CREB5: variants seen among roughly 807,000 people sequenced by gnomAD.
CREB5 encodes the protein cAMP responsive element binding protein 5, also known as cyclic AMP-responsive element-binding protein 5.
A neutral mutation model predicts 57.1 loss-of-function variants in CREB5; 19 were observed. That is an observed-to-expected ratio of 0.33 (90% CI 0.23 to 0.49). CREB5 has a LOEUF of 0.49. Among genes scored for constraint, CREB5 ranks in the 20% least tolerant of loss-of-function variants. The probability of loss-of-function intolerance (pLI) is 0.99; values close to 1 mark genes in which losing one functional copy is unlikely to be tolerated. For synonymous variants in CREB5, 238 were observed against 238.3 expected, an observed-to-expected ratio of 1.00 and a Z score of 0.01; for missense variants, 579 against 671.6, an observed-to-expected ratio of 0.86 and a Z score of 1.52.
chr7:28,394,332 A>G (rs1787296205), intron 1 of CREB5, among the ~76,000 whole-genome samples: 1 of 152,144 alleles, frequency 6.6e-6, no homozygotes, highest in African/African-American at 2.4e-5. Context: ...ATATTAATCC[A>G]ACTACATCAA....
chr7:28,411,302 T>C (rs1448920363), upstream of CREB5, among the ~76,000 whole-genome samples: 1 of 152,166 alleles, frequency 6.6e-6, no homozygotes, highest in Non-Finnish European at 1.5e-5. Flanking sequence ...CAAAATCAGG[T>C]TTAGCTGAAA....
intron 4 of CREB5, among the ~76,000 whole-genome samples, chr7:28,517,576 A>G (rs1196916859): frequency 6.6e-6 from 1 of 152,156 alleles, no homozygotes; most frequent in Non-Finnish European, 1.5e-5. Flanking sequence ...CCCCTGAATT[A>G]CTGGTACCTA....
At chr7:28,515,749 A>G (rs1436502861) in intron 4 of CREB5, among the ~76,000 whole-genome samples, 2 of 152,044 alleles carry the variant, frequency 1.3e-5, no homozygotes, top group African/African-American at 2.4e-5. Flanking sequence ...GACCATTCTT[A>G]CTTCGTACTG....
At chr7:28,551,870 T>TTTTC (rs140284726) in intron 4 of CREB5, among the ~76,000 whole-genome samples, 3 of 122,836 alleles carry the variant, frequency 2.4e-5, no homozygotes, top group Admixed American at 7.9e-5. Flanking sequence ...CTTTCTTTCT[T>TTTTC]TTTCTTTCTT....
intron 7 of CREB5, among the ~76,000 whole-genome samples, chr7:28,769,572 A>AT (rs1806212114): frequency 6.6e-6 from 1 of 152,244 alleles, no homozygotes; most frequent in Non-Finnish European, 1.5e-5. Context: ...CCCAAGGTGT[A>AT]TGTCTTGTTG....
intron 1 of CREB5, among the ~76,000 whole-genome samples, chr7:28,447,862 C>G (rs768043911): frequency 4.6e-5 from 7 of 152,142 alleles, no homozygotes; most frequent in African/African-American, 1.7e-4. Context: ...TTATTAAGAT[C>G]GAAATCCACT....
At chr7:28,689,909 G>GGTGT (rs34310030) in intron 5 of CREB5, among the ~76,000 whole-genome samples, 13,890 of 141,470 alleles carry the variant, frequency 0.098, 794 homozygotes, top group Admixed American at 0.14. Flanking sequence ...ACTTGTATTT[G>GGTGT]GTGTGTGTGT....
intron 1 of CREB5, among the ~76,000 whole-genome samples, chr7:28,379,283 G>A (rs780586919): frequency 6.6e-6 from 1 of 152,140 alleles, no homozygotes; most frequent in Non-Finnish European, 1.5e-5. Context: ...GGATACAGAC[G>A]CTATCTACTA....
At chr7:28,415,379 G>C (rs1258980923) in intron 1 of CREB5, among the ~76,000 whole-genome samples, 1 of 152,116 alleles carries the variant, frequency 6.6e-6, no homozygotes, top group African/African-American at 2.4e-5. Flanking sequence ...CTCCAGGTCG[G>C]GTGCTCCTGC....
intron 5 of CREB5, among the ~76,000 whole-genome samples, chr7:28,699,181 T>C (rs1801722587): frequency 6.6e-6 from 1 of 151,962 alleles, no homozygotes; most frequent in Non-Finnish European, 1.5e-5. Flanking sequence ...CTTCTTCTTT[T>C]TTTTTTTTTC....
chr7:28,376,096 CT>C (rs1786817313), intron 1 of CREB5, among the ~76,000 whole-genome samples: 1 of 152,164 alleles, frequency 6.6e-6, no homozygotes, highest in Non-Finnish European at 1.5e-5. Context: ...GCTCATCAGA[CT>C]GATTGTTTAT....
At chr7:28,402,859 A>G (rs1049374748) in intron 1 of CREB5, among the ~76,000 whole-genome samples, 2 of 152,248 alleles carry the variant, frequency 1.3e-5, no homozygotes, top group African/African-American at 4.8e-5. Flanking sequence ...CTGCACAGCA[A>G]AAGAAACTAC....
intron 5 of CREB5, 83 bp downstream of exon 5, chr7:28,570,620 A>G (rs1439035536): frequency 2.7e-6 from 4 of 1,498,864 alleles, no homozygotes; most frequent in Non-Finnish European, 3.6e-6. Flanking sequence ...TCTGGTGCTC[A>G]GATTGGTTGG....
intron 7 of CREB5, among the ~76,000 whole-genome samples, chr7:28,773,529 AGT>A: frequency 1.3e-5 from 1 of 78,356 alleles, no homozygotes. Flanking sequence ...TTTGTGAGTC[AGT>A]CATATGATGT....
At chr7:28,387,119 T>A (rs1372691896) in intron 1 of CREB5, among the ~76,000 whole-genome samples, 1 of 152,204 alleles carries the variant, frequency 6.6e-6, no homozygotes, top group Admixed American at 6.5e-5. Context: ...GGTCAAATGG[T>A]ATTTCTACCT....
At chr7:28,801,026 A>T (rs1262189393) in intron 7 of CREB5, among the ~76,000 whole-genome samples, 1 of 152,226 alleles carries the variant, frequency 6.6e-6, no homozygotes, top group Non-Finnish European at 1.5e-5. Context: ...AAACATATAG[A>T]ACAAGGACTG....
intron 5 of CREB5, among the ~76,000 whole-genome samples, chr7:28,659,149 A>T (rs1799490825): frequency 6.6e-6 from 1 of 151,806 alleles, no homozygotes; most frequent in South Asian, 2.1e-4. Flanking sequence ...CTTAATAAAC[A>T]TACTAGGTGG....
intron 5 of CREB5, among the ~76,000 whole-genome samples, chr7:28,595,264 G>A (rs1235459200): frequency 6.6e-6 from 1 of 152,022 alleles, no homozygotes; most frequent in African/African-American, 2.4e-5. Context: ...TTGGTGGGTT[G>A]TGGTTTTATA....
At chr7:28,673,041 G>A (rs1046673051) in intron 5 of CREB5, among the ~76,000 whole-genome samples, 1 of 152,140 alleles carries the variant, frequency 6.6e-6, no homozygotes, top group African/African-American at 2.4e-5. Context: ...GTCAGTGTAG[G>A]CCATCTTCTG....
Sources: gnomAD v4.1 joint callset for allele counts (sites outside exome capture counted in the v4.1 genomes callset) on GRCh38, gnomAD v4.1.1 for gene constraint, MANE v1.5 for transcripts, NCBI Gene and HGNC (gene_info 2026-07-23, HGNC 2026-07-21) for gene names.